The following PRKCE variants were observed in gnomAD, a reference collection of about 807,000 sequenced individuals.
PRKCE encodes the protein protein kinase C epsilon, also known as protein kinase C epsilon type.
In PRKCE, 16 loss-of-function variants were observed where a neutral mutation model predicts 85.4. That is an observed-to-expected ratio of 0.19 (90% confidence interval 0.13 to 0.28). The LOEUF is 0.28. PRKCE is among the 10% of genes least tolerant of loss of function. The pLI is 1.00. For missense variants in PRKCE, 573 were observed against 975.2 expected (o/e 0.59, Z 5.49); for synonymous variants, 388 against 371.5 (o/e 1.04, Z -0.51).
intron 2 of PRKCE, among the ~76,000 whole-genome samples, chr2:45,938,909 C>G (rs535195011): frequency 1.3e-5 from 2 of 152,136 alleles, no homozygotes; most frequent in Non-Finnish European, 2.9e-5. Flanking sequence ...GCACCTCATT[C>G]GTAACTCTTT....
intron 14 of PRKCE, among the ~76,000 whole-genome samples, chr2:46,183,881 C>A (rs558314800): frequency 6.6e-6 from 1 of 152,320 alleles, no homozygotes; most frequent in Non-Finnish European, 1.5e-5. Context: ...AGGCAGAGAG[C>A]ATTACTTATA....
chr2:46,042,109 A>C lies in PRKCE; in HGVS notation c.1437+31592A>C, dbSNP rs373859071. On this transcript the variant is annotated intron_variant, in intron 10 of 14. Coordinates refer to ENST00000306156, the MANE Select transcript of PRKCE (RefSeq NM_005400.3). ...AGTTAATATTAACATTATTGAAAAG[A>C]GTCGGTTAATGTGAAAAGGAAAAGT... Among the ~76,000 whole-genome samples the C allele has an allele frequency of 5.3e-5, 8 of 152,324 alleles. No individual in the cohort carries two copies. The South Asian group carries it at 1.2e-3, about 24-fold the overall frequency.
At chr2:45,781,182 A>AT (rs1491232924) in intron 1 of PRKCE, among the ~76,000 whole-genome samples, 2 of 150,940 alleles carry the variant, frequency 1.3e-5, no homozygotes, top group African/African-American at 4.9e-5. Flanking sequence ...CAAAATAATA[A>AT]TAAAAAAAAA....
intron 11 of PRKCE, among the ~76,000 whole-genome samples, chr2:46,101,166 C>T (rs4953314): frequency 0.27 from 40,572 of 152,078 alleles, 5,628 homozygotes; most frequent in South Asian, 0.41. Flanking sequence ...CCATGCCTGG[C>T]CTATTTCTTT....
intron 1 of PRKCE, among the ~76,000 whole-genome samples, chr2:45,829,965 C>G (rs1015519440): frequency 1.3e-5 from 2 of 149,288 alleles, no homozygotes; most frequent in Non-Finnish European, 3.0e-5. Context: ...CCCAGCTACT[C>G]GGGAGGCTGA....
intron 2 of PRKCE, among the ~76,000 whole-genome samples, chr2:45,949,402 G>GTTTTTTTTTTTTTTTGTTTTTTGTTT (rs1700461294): frequency 8.4e-6 from 1 of 118,746 alleles, no homozygotes; most frequent in Non-Finnish European, 1.7e-5. Context: ...TATTTTGCTT[G>GTTTTTTTTTTTTTTTGTTTTTTGTTT]TTTTTTTTTT....
chr2:45,653,592 A>T (rs1217535919), intron 1 of PRKCE, among the ~76,000 whole-genome samples: 2 of 151,972 alleles, frequency 1.3e-5, no homozygotes, highest in African/African-American at 4.8e-5. Context: ...AAACCAGCTA[A>T]CTTCATGAAT....
Position 46,048,627 on chromosome 2 carries a change from A to G in PRKCE, c.1438-37581A>G, listed in dbSNP as rs188251073. On this transcript the variant is annotated intron_variant, in intron 10 of 14. Transcript: ENST00000306156. ...TTGTCCACGCACTTGGCCTTTCTCC[A>G]GGGGGAGACGGATGATAGCTGGAAG... 1.6e-4 allele frequency among the ~76,000 whole-genome samples: 25 copies of G among 152,228 alleles called. No homozygotes were observed. In the East Asian group the frequency reaches 4.6e-3, roughly 28 times the overall value.
At chr2:46,013,460 T>C (rs1337180480) in intron 10 of PRKCE, among the ~76,000 whole-genome samples, 1 of 152,140 alleles carries the variant, frequency 6.6e-6, no homozygotes, top group African/African-American at 2.4e-5. Flanking sequence ...TTCCCTACGA[T>C]CTAGTGGAAG....
At chr2:45,946,426 A>G (rs1700249233) in intron 2 of PRKCE, among the ~76,000 whole-genome samples, 1 of 152,220 alleles carries the variant, frequency 6.6e-6, no homozygotes, top group Non-Finnish European at 1.5e-5. Context: ...CAGGGCTTAC[A>G]GGGGAAGCAG....
chr2:45,708,965 T>G (rs1374287905), intron 1 of PRKCE, among the ~76,000 whole-genome samples: 1 of 152,202 alleles, frequency 6.6e-6, no homozygotes, highest in Non-Finnish European at 1.5e-5. Context: ...AGTTTCACCT[T>G]GAATGGCAGT....
At position 45,786,074 on chromosome 2, in the gene PRKCE, C is replaced by G. The variant is rs1217910313; in HGVS notation, c.349-56926C>G. 6.6e-6 allele frequency among the ~76,000 whole-genome samples: 1 copy of G among 152,124 alleles called. No homozygotes were observed. The highest frequency in any genetic ancestry group is 1.5e-5 in the Non-Finnish European group (1 of 68,002). Reference sequence around the variant, plus strand: ...GGTCATCGTGGGGGTGAATAGATACCTGCTTCTCTCCAGGGACCTATGGCC... The same window carrying G: ...GGTCATCGTGGGGGTGAATAGATACGTGCTTCTCTCCAGGGACCTATGGCC... On this transcript the variant is annotated intron_variant, in intron 1 of 14. Transcript: ENST00000306156. The surrounding 1 kb of genome is among the most constrained non-coding windows in gnomAD (Gnocchi z 5.3).
chr2:45,665,009 T>G (rs934077555), intron 1 of PRKCE, among the ~76,000 whole-genome samples: 2 of 152,222 alleles, frequency 1.3e-5, no homozygotes, highest in Admixed American at 1.3e-4. Flanking sequence ...AGAGCAAAGC[T>G]TTGCTTTCCA....
intron 2 of PRKCE, among the ~76,000 whole-genome samples, chr2:45,874,967 C>T (rs563159903): frequency 4.6e-5 from 7 of 152,080 alleles, no homozygotes; most frequent in South Asian, 2.1e-4. Flanking sequence ...TTTCTCATTA[C>T]GGAAAGGGGA....
chr2:45,885,995 G>A (rs79991844), intron 2 of PRKCE, among the ~76,000 whole-genome samples: 2 of 152,172 alleles, frequency 1.3e-5, no homozygotes, highest in East Asian at 1.9e-4. Flanking sequence ...TCCCCAGAAC[G>A]TGAATCTTTC....
intron 2 of PRKCE, among the ~76,000 whole-genome samples, chr2:45,933,369 C>G (rs184795195): frequency 6.6e-6 from 1 of 151,326 alleles, no homozygotes; most frequent in African/African-American, 2.4e-5. Flanking sequence ...TTTTCGTATT[C>G]CATTCAAGAA....
chr2:46,059,907 A>G (rs1407428653), intron 10 of PRKCE, among the ~76,000 whole-genome samples: 1 of 152,232 alleles, frequency 6.6e-6, no homozygotes, highest in Non-Finnish European at 1.5e-5. Flanking sequence ...TATTTTTGAA[A>G]TAAACTTAAC....
chr2:45,765,821 G>A (rs1368001262), intron 1 of PRKCE, among the ~76,000 whole-genome samples: 1 of 152,158 alleles, frequency 6.6e-6, no homozygotes, highest in Non-Finnish European at 1.5e-5. Context: ...AGAATACAGA[G>A]AATTAATGCA....
chr2:45,782,651 T>A (rs1307190237), intron 1 of PRKCE, among the ~76,000 whole-genome samples: 2 of 152,090 alleles, frequency 1.3e-5, no homozygotes, highest in Non-Finnish European at 2.9e-5. Flanking sequence ...TTGGGAAAGA[T>A]GGTTGTTTTT....
Sources: allele counts gnomAD v4.1 joint callset (sites outside exome capture counted in the v4.1 genomes callset), GRCh38; gene constraint gnomAD v4.1.1; non-coding constraint Gnocchi (gnomAD v3.1); transcripts MANE v1.5; gene names NCBI Gene and HGNC (gene_info 2026-07-23, HGNC 2026-07-21).